Variants in POM121L2 observed in about 807,000 individuals in gnomAD.
POM121L2 encodes the protein POM121 transmembrane nucleoporin like 2.
For missense variants in POM121L2, 1,167 were observed against 1,260.3 expected, an observed-to-expected ratio of 0.93 and a Z score of 1.12; for synonymous variants, 459 against 483.8, an observed-to-expected ratio of 0.95 and a Z score of 0.67.
In POM121L2 at chr6:27,312,031, G is replaced by A; in HGVS notation, c.140C>T (p.Ala47Val). The part of the protein sequence containing the change: ...QVHRVQFVHR[A>V]HPAPRYRPVR... ...AGGTCTATACCGTGGGGCAGGGTGG[G>A]CGCGGTGGACGAACTGAACCCGATG... The change falls in exon 1 of 1, where the codon GCC becomes GTC. Residue 47 changes from alanine to valine, a missense_variant. Transcript: ENST00000444565. The surrounding 1 kb of genome is among the most constrained non-coding windows in gnomAD (Gnocchi z 6.7). 6.5e-7 allele frequency: 1 copy of A among 1,533,328 alleles called. No individual in the cohort carries two copies. Among genetic ancestry groups the A allele is most frequent in the Non-Finnish European group, 8.8e-7 (1 of 1,136,018 alleles). The allele number at this position is 1,533,328 out of a possible 1,614,324, so 95.0% of individuals were successfully genotyped here. A position where few individuals can be genotyped will look rare whatever the true frequency, so the allele number is the denominator to read the frequency against.
Position 27,312,109 on chromosome 6 carries a change from T to C in POM121L2, c.62A>G (p.Asp21Gly). The C allele has an allele frequency of 6.8e-7, 1 of 1,475,530 alleles. No homozygotes were observed. 91.4% of individuals were successfully genotyped at this position (1,475,530 alleles called of 1,614,324 possible). A position where few individuals can be genotyped will look rare whatever the true frequency, so the allele number is the denominator to read the frequency against. The change falls in exon 1 of 1, where the codon GAC becomes GGC. Residue 21 changes from aspartate to glycine, a missense_variant. By Grantham distance (94) the Asp-to-Gly change is moderately conservative (BLOSUM62 -1). Coordinates refer to ENST00000444565, the MANE Select transcript of POM121L2 (RefSeq NM_033482.4). This position sits in a 1 kb window ranked among gnomAD's most constrained non-coding sequence, Gnocchi z 6.7. ...SPSSPAQVRT[D>G]LPERPTKRRP... ...GCGTTTCGTGGGCCTCTCGGGCAAG[T>C]CGGTGCGCACCTGGGCTGGGGACGA...
rs1431755273 is a variant in POM121L2 at position 27,311,277 on chromosome 6, T to G, written c.894A>C (p.Pro298=). ...KEKSCHRPSS[P]VPLVSDFESL... is the part of the protein sequence containing the mutation. ...ACTCAAAATCTGATACCAGTGGGAC[T>G]GGAGAGGAAGGCCGATGACAACTTT... is the stretch of plus-strand genomic sequence containing the variant. The change falls in exon 1 of 1, where the codon CCA becomes CCC. Residue 298 remains proline, a synonymous_variant. Coordinates refer to ENST00000444565, the MANE Select transcript of POM121L2 (RefSeq NM_033482.4). The G allele has an allele frequency of 6.4e-7, 1 of 1,551,684 alleles. No individual in the cohort carries two copies. Among genetic ancestry groups the G allele is most frequent in the Non-Finnish European group, 8.7e-7 (1 of 1,147,054 alleles).
At position 27,309,729 on chromosome 6, in the gene POM121L2, A is replaced by G. The variant is rs1041924019; in HGVS notation, c.2442T>C (p.Thr814=). The G allele has an allele frequency of 6.4e-7, 1 of 1,551,738 alleles. No homozygotes were observed. The highest frequency in any genetic ancestry group is 8.7e-7 in the Non-Finnish European group (1 of 1,146,990). The change falls in exon 1 of 1, where the codon ACT becomes ACC. Residue 814 remains threonine (T), a synonymous_variant. Transcript: ENST00000444565. ...TACTAATGAAGGCTGGCTGAGCTGG[A>G]GTTGGCATGGGGGTTGGCAATGCCA... ...SAVALPTPMP[T]PAQPAFISTT... is the part of the protein sequence containing the mutation.
chr6:27,309,567 TACAATTCTAA>T, intron 1 of POM121L2: 2 of 1,551,960 alleles, frequency 1.3e-6, no homozygotes, highest in Non-Finnish European at 8.7e-7. Context: ...GGGTCTGAAT[TACAATTCTAA>T]ACCCAGTTGT....
Position 27,310,739 on chromosome 6 carries a change from T to C in POM121L2, c.1432A>G (p.Thr478Ala). 6.4e-7 allele frequency: 1 copy of C among 1,551,828 alleles called. No individual in the cohort carries two copies. The highest frequency in any genetic ancestry group is 1.2e-5 in the South Asian group (1 of 84,054). The change falls in exon 1 of 1, where the codon ACT (threonine) becomes GCT (alanine). Residue 478 changes from threonine to alanine, a missense_variant. Physicochemically the swap from Thr to Ala is moderately conservative, Grantham distance 58 (BLOSUM62 0). Coordinates refer to ENST00000444565, the MANE Select transcript of POM121L2 (RefSeq NM_033482.4). ...GTTGAAGGCGGCCAGGTGGTGTCAG[T>C]AACTGGTAATGTGGGAGAGGTGGGG... ...LTPTSPTLPVTDTTWPPSTSQ... is the reference protein window; with the variant it reads ...LTPTSPTLPVADTTWPPSTSQ...
Position 27,310,924 on chromosome 6 carries a change from C to T in POM121L2, c.1247G>A (p.Gly416Asp), listed in dbSNP as rs1332763822. 3 of 1,551,852 alleles carry T rather than the reference C, an allele frequency of 1.9e-6. No homozygotes were observed. In the East Asian group the frequency reaches 7.3e-5, roughly 38 times the overall value. ...ENLRKMQKSL[G>D]PLASPQSTGE... The stretch of plus-strand genomic sequence containing the variant: ...CGTGGACTGTGGAGAGGCCAGTGGA[C>T]CTAGAGACTTCTGCATTTTTCTTAA... The change falls in exon 1 of 1, where the codon GGT (glycine) becomes GAT (aspartate). Residue 416 changes from glycine to aspartate, a missense_variant. Coordinates refer to ENST00000444565, the MANE Select transcript of POM121L2 (RefSeq NM_033482.4).
chr6:27,309,020 A>C lies in POM121L2; in HGVS notation c.*43T>G. 1 of 1,438,344 alleles carries C rather than the reference A, an allele frequency of 7.0e-7. No homozygotes were observed. The allele number at this position is 1,438,344 out of a possible 1,614,324, so 89.1% of individuals were successfully genotyped here. On this transcript the variant is annotated 3_prime_UTR_variant, in exon 1 of 1. Transcript: ENST00000444565. ...AAGACACTGAGGTTTTTCAAAAACAATACTGAGGTCTAAATCAGGGTGCAA... is the reference window on the plus strand; with the variant it reads ...AAGACACTGAGGTTTTTCAAAAACACTACTGAGGTCTAAATCAGGGTGCAA...
rs1760705235 is a variant in POM121L2, at chr6:27,309,002, T to C, written c.*61A>G. 2.3e-6 allele frequency: 3 copies of C among 1,296,486 alleles called. No individual in the cohort carries two copies. The highest frequency in any genetic ancestry group is 2.7e-5 in the Admixed American group (1 of 36,960). The allele number at this position is 1,296,486 out of a possible 1,614,324, so 80.3% of individuals were successfully genotyped here. ...TTTACTTTAGAAAATTGGAAGACAC[T>C]GAGGTTTTTCAAAAACAATACTGAG... On this transcript the variant is annotated 3_prime_UTR_variant, in exon 1 of 1. Coordinates refer to ENST00000444565, the MANE Select transcript of POM121L2 (RefSeq NM_033482.4).
Position 27,311,277 on chromosome 6 carries a change from T to C in POM121L2, c.894A>G (p.Pro298=). 1 of 1,551,802 alleles carries C rather than the reference T, an allele frequency of 6.4e-7. No homozygotes were observed. Among genetic ancestry groups the C allele is most frequent in the Non-Finnish European group, 8.7e-7 (1 of 1,147,046 alleles). Residue 298 remains proline (P), a synonymous_variant, in exon 1 of 1, where the codon CCA becomes CCG. Transcript: ENST00000444565. ...KEKSCHRPSS[P]VPLVSDFESL... ...ACTCAAAATCTGATACCAGTGGGAC[T>C]GGAGAGGAAGGCCGATGACAACTTT...
rs1220407799 is a variant in POM121L2, at chr6:27,310,060, T to C, written c.2111A>G (p.Gln704Arg). 4 of 1,552,236 alleles carry C rather than the reference T, an allele frequency of 2.6e-6. No individual in the cohort carries two copies. The highest frequency in any genetic ancestry group is 3.5e-6 in the Non-Finnish European group (4 of 1,147,106). The stretch of plus-strand genomic sequence containing the variant: ...TATCTGTACAACACTGGAAAGGACC[T>C]GGGTAAACATGGTGACTGTATGCAC... ...PTVHTVTMFT[Q>R]VLSSVVQISP... The change falls in exon 1 of 1, where the codon CAG (glutamine) becomes CGG (arginine). Residue 704 changes from glutamine (Q) to arginine (R), a missense_variant. Gln to Arg is a conservative substitution (Grantham distance 43). Transcript: ENST00000444565.
Position 27,311,305 on chromosome 6 carries a change from T to C in POM121L2, c.866A>G (p.Glu289Gly). 1 of 1,551,694 alleles carries C rather than the reference T, an allele frequency of 6.4e-7. No individual in the cohort carries two copies. The highest frequency in any genetic ancestry group is 8.7e-7 in the Non-Finnish European group (1 of 1,147,018). ...AGAGGAAGGCCGATGACAACTTTTT[T>C]CCTTTTTTATTGGCCACTCTGGTGT... Reference protein sequence around the residue: ...FETPEWPIKKEKSCHRPSSPV... With the variant: ...FETPEWPIKKGKSCHRPSSPV... The change falls in exon 1 of 1, where the codon GAA (glutamate) becomes GGA (glycine). Residue 289 changes from glutamate to glycine, a missense_variant. Coordinates refer to ENST00000444565, the MANE Select transcript of POM121L2 (RefSeq NM_033482.4).
At chr6:27,311,340 TAC>T, upstream of POM121L2, 1 of 1,551,652 alleles carries the variant, frequency 6.4e-7, no homozygotes, top group South Asian at 1.2e-5. Context: ...TCTCGAATGA[TAC>T]ACTGGGAACA....
Position 27,311,216 on chromosome 6 carries a change from G to C in POM121L2, c.955C>G (p.Gln319Glu). ...GGSESSGQQN[Q>E]KIPQLPSSPE... ...CTAGACGGCAGCTGTGGAATCTTCT[G>C]GTTTTGCTGCCCAGAACTTTCAGAT... Residue 319 changes from glutamine to glutamate, a missense_variant, in exon 1 of 1, where the codon CAG becomes GAG. Physicochemically the swap from Gln to Glu is conservative, Grantham distance 29. Coordinates refer to ENST00000444565, the MANE Select transcript of POM121L2 (RefSeq NM_033482.4). The C allele has an allele frequency of 6.4e-7, 1 of 1,551,910 alleles. No individual in the cohort carries two copies. Among genetic ancestry groups the C allele is most frequent in the Non-Finnish European group, 8.7e-7 (1 of 1,147,052 alleles).
At position 27,310,059 on chromosome 6, in the gene POM121L2, C is replaced by A. The variant is rs1324421070; in HGVS notation, c.2112G>T (p.Gln704His). The change falls in exon 1 of 1, where the codon CAG becomes CAT. Residue 704 changes from glutamine to histidine, a missense_variant. Coordinates refer to ENST00000444565, the MANE Select transcript of POM121L2 (RefSeq NM_033482.4). ...ATATCTGTACAACACTGGAAAGGAC[C>A]TGGGTAAACATGGTGACTGTATGCA... is the stretch of plus-strand genomic sequence containing the variant. ...PTVHTVTMFT[Q>H]VLSSVVQISP... 6.4e-7 allele frequency: 1 copy of A among 1,552,232 alleles called. No homozygotes were observed. Among genetic ancestry groups the A allele is most frequent in the South Asian group, 1.2e-5 (1 of 84,062 alleles).
In POM121L2 at chr6:27,310,294, G is replaced by T. The variant is rs1760726793; in HGVS notation, c.1877C>A (p.Thr626Asn). The T allele has an allele frequency of 6.4e-7, 1 of 1,552,240 alleles. No homozygotes were observed. Among genetic ancestry groups the T allele is most frequent in the Admixed American group, 2.0e-5 (1 of 51,002 alleles). Residue 626 changes from threonine to asparagine, a missense_variant, in exon 1 of 1, where the codon ACC (threonine) becomes AAC (asparagine). Transcript: ENST00000444565. ...GTCTTTAGATGTGCTGGCTAGGGTG[G>T]TGGACATGACCACAGAGGTGGCCTT... ...LVKATSVVMS[T>N]TLASTSKDSV...
chr6:27,311,823 G>T lies in POM121L2; in HGVS notation c.348C>A (p.Ser116Arg). The change falls in exon 1 of 1, where the codon AGC becomes AGA. Residue 116 changes from serine to arginine, a missense_variant. Ser to Arg is a moderately radical substitution (Grantham distance 110). Transcript: ENST00000444565. ...GAGGAGTGATCCTGATGGTCACTGGGCTCCAAATTGGCCTGGGATGTCGAA... is the reference window on the plus strand; with the variant it reads ...GAGGAGTGATCCTGATGGTCACTGGTCTCCAAATTGGCCTGGGATGTCGAA... ...WSLRHPRPIWSPVTIRITPPD... is the reference protein window; with the variant it reads ...WSLRHPRPIWRPVTIRITPPD... 1.3e-6 allele frequency: 2 copies of T among 1,551,758 alleles called. No homozygotes were observed. Among genetic ancestry groups the T allele is most frequent in the Non-Finnish European group, 1.7e-6 (2 of 1,146,992 alleles).
At position 27,310,760 on chromosome 6, in the gene POM121L2, TG is replaced by T. The variant is rs1760734271; in HGVS notation, c.216+336del. 1.9e-6 allele frequency: 3 copies of T among 1,550,630 alleles called. No individual in the cohort carries two copies. The African/African-American group carries it at 4.1e-5, about 21-fold the overall frequency. ...TCAGTAACTGGTAATGTGGGAGAGG[TG>T]GGGGTCAGCAGGATGAAAGTAGCTG... On this transcript the variant is annotated intron_variant, in intron 1 of 1. Transcript: ENST00000429945.
Position 27,311,504 on chromosome 6 carries a change from C to A in POM121L2, c.667G>T (p.Gly223Cys). 1 of 1,551,766 alleles carries A rather than the reference C, an allele frequency of 6.4e-7. No homozygotes were observed. Among genetic ancestry groups the A allele is most frequent in the Non-Finnish European group, 8.7e-7 (1 of 1,147,008 alleles). Residue 223 changes from glycine to cysteine, a missense_variant, in exon 1 of 1, where the codon GGC becomes TGC. Transcript: ENST00000444565. ...GPLKRSLHSW[G>C]SDHSLTKRPN... The stretch of plus-strand genomic sequence containing the variant: ...CTCTTAGTCAAGCTGTGATCTGAGC[C>A]CCAGGAGTGGAGACTTCTCTTCAGC...
chr6:27,310,480 G>C lies in POM121L2; in HGVS notation c.1691C>G (p.Ser564Cys). 1 of 1,552,330 alleles carries C rather than the reference G, an allele frequency of 6.4e-7. No homozygotes were observed. The highest frequency in any genetic ancestry group is 8.7e-7 in the Non-Finnish European group (1 of 1,147,122). Reference sequence around the variant, plus strand: ...GGTACCCTGAATTGTGGAAAGGGAAGAGATTGAAGATGCTGCAGCTGTGAC... The same window carrying C: ...GGTACCCTGAATTGTGGAAAGGGAACAGATTGAAGATGCTGCAGCTGTGAC... The part of the protein sequence containing the change: ...ISVTAAASSI[S>C]SLSTIQGTLT... Residue 564 changes from serine (S) to cysteine (C), a missense_variant, in exon 1 of 1, where the codon TCT (serine) becomes TGT (cysteine). Transcript: ENST00000444565.
Sources: gnomAD v4.1 joint callset for allele counts on GRCh38, gnomAD v4.1.1 for gene constraint, Gnocchi (gnomAD v3.1) non-coding constraint, MANE v1.5 for transcripts, NCBI Gene and HGNC (gene_info 2026-07-23, HGNC 2026-07-21) for gene names.